PDE1A: variants seen among roughly 807,000 people sequenced by gnomAD.
PDE1A encodes phosphodiesterase 1A, also known as dual specificity calcium/calmodulin-dependent 3',5'-cyclic nucleotide phosphodiesterase 1A.
In PDE1A, 35 loss-of-function variants were observed where a neutral mutation model predicts 61.7. The observed-to-expected ratio is 0.57, with a 90% CI of 0.43 to 0.75. The LOEUF (loss-of-function observed/expected upper bound fraction) is 0.75, where lower values mean the gene tolerates loss of function less well. PDE1A is among the 30% of genes least tolerant of loss of function. The probability of loss-of-function intolerance (pLI) is 0.00; values close to 1 mark genes in which losing one functional copy is unlikely to be tolerated. For synonymous variants in PDE1A, 232 were observed against 213.2 expected, an observed-to-expected ratio of 1.09 and a Z score of -0.77; for missense variants, 597 against 630.6, an observed-to-expected ratio of 0.95 and a Z score of 0.57.
chr2:182,500,718 G>C (rs1188075571), intron 2 of PDE1A, among the ~76,000 whole-genome samples: 3 of 152,148 alleles, frequency 2.0e-5, no homozygotes, highest in African/African-American at 7.2e-5. Flanking sequence ...CATGAAAACA[G>C]AAGATTCCAT....
At chr2:182,259,737 T>C (rs1326758961) in intron 2 of PDE1A, among the ~76,000 whole-genome samples, 1 of 152,232 alleles carries the variant, frequency 6.6e-6, no homozygotes, top group African/African-American at 2.4e-5. Flanking sequence ...TTATAAATTG[T>C]GTTTTTAGGA....
At chr2:182,295,540 A>G (rs1370766457) in intron 1 of PDE1A, among the ~76,000 whole-genome samples, 3 of 152,196 alleles carry the variant, frequency 2.0e-5, no homozygotes, top group Non-Finnish European at 4.4e-5. Flanking sequence ...AGAGTTTTAC[A>G]GCATGCCAAT....
intron 2 of PDE1A, among the ~76,000 whole-genome samples, chr2:182,473,299 G>A (rs574247894): frequency 6.6e-6 from 1 of 151,874 alleles, no homozygotes; most frequent in African/African-American, 2.4e-5. Flanking sequence ...CAACTAAAGA[G>A]CTTCTGCACA....
At chr2:182,312,374 T>C (rs1387401935) in intron 1 of PDE1A, among the ~76,000 whole-genome samples, 6 of 152,168 alleles carry the variant, frequency 3.9e-5, no homozygotes, top group Non-Finnish European at 7.4e-5. Flanking sequence ...AATATTTGCC[T>C]AACTCAAGAT....
chr2:182,368,422 T>A lies in PDE1A; in HGVS notation c.53+58156A>T, dbSNP rs145583274. Among the ~76,000 whole-genome samples, 490 of 144,918 alleles carry A rather than the reference T, an allele frequency of 3.4e-3. 5 individuals carry two copies. Among genetic ancestry groups the A allele is most frequent in the African/African-American group, 0.012 (471 of 40,152 alleles). On this transcript the variant is annotated intron_variant, in intron 1 of 13. Coordinates refer to ENST00000351439, the Ensembl canonical transcript of PDE1A. ...ACATAACATTTTCCCCTTCCCACTCTTTTTTATTCATTCCATTTATCTGTT... is the reference window on the plus strand; with the variant it reads ...ACATAACATTTTCCCCTTCCCACTCATTTTTATTCATTCCATTTATCTGTT...
At chr2:182,471,042 C>A (rs1686996078) in intron 2 of PDE1A, among the ~76,000 whole-genome samples, 1 of 151,662 alleles carries the variant, frequency 6.6e-6, no homozygotes, top group Non-Finnish European at 1.5e-5. Context: ...CGAGAGTAGG[C>A]AAATGACAAT....
the PDE1A span, among the ~76,000 whole-genome samples, chr2:182,700,741 C>T: frequency 1.8e-5 from 1 of 56,028 alleles, no homozygotes. Context: ...AAAAAAAAAA[C>T]AGAAAGAAAA....
At chr2:182,706,355 G>A in the PDE1A span, among the ~76,000 whole-genome samples, 1 of 152,102 alleles carries the variant, frequency 6.6e-6, no homozygotes, top group Admixed American at 6.5e-5. Context: ...TTTTGATTAT[G>A]TTAATTTGGG....
chr2:182,472,953 TTA>T (rs1687128028), intron 2 of PDE1A, among the ~76,000 whole-genome samples: 1 of 151,568 alleles, frequency 6.6e-6, no homozygotes, highest in Non-Finnish European at 1.5e-5. Context: ...TTTTTTTTTT[TTA>T]AATTTTTTAT....
the PDE1A span, among the ~76,000 whole-genome samples, chr2:182,693,982 A>G: frequency 2.6e-5 from 4 of 152,154 alleles, no homozygotes; most frequent in African/African-American, 4.8e-5. Flanking sequence ...AAGCTGTTTA[A>G]TTCTGATGAA....
Position 182,340,490 on chromosome 2 carries a change from C to A in PDE1A, c.54-76076G>T, listed in dbSNP as rs144478357. Among the ~76,000 whole-genome samples, 185 of 152,188 alleles carry A rather than the reference C, an allele frequency of 1.2e-3. 1 individual carries two copies. The highest frequency in any genetic ancestry group is 1.7e-3 in the Non-Finnish European group (114 of 68,004). On this transcript the variant is annotated intron_variant, in intron 1 of 13. Coordinates refer to ENST00000351439, the Ensembl canonical transcript of PDE1A. ...CTCATAAAACTCACTTCATGAAATA[C>A]CTCTTGTAAAACTGCAGAAAATGGG... is the stretch of plus-strand genomic sequence containing the variant.
intron 1 of PDE1A, among the ~76,000 whole-genome samples, chr2:182,399,187 T>G (rs973605681): frequency 6.6e-6 from 1 of 152,014 alleles, no homozygotes; most frequent in African/African-American, 2.4e-5. Flanking sequence ...TCTTAGTATT[T>G]TTAACCCATA....
intron 1 of PDE1A, among the ~76,000 whole-genome samples, chr2:182,337,824 TA>T (rs571035857): frequency 1.3e-5 from 2 of 151,780 alleles, no homozygotes; most frequent in East Asian, 1.9e-4. Context: ...TATAGGATTT[TA>T]AAAAAAAAGA....
intron 2 of PDE1A, among the ~76,000 whole-genome samples, chr2:182,444,165 T>G (rs974457757): frequency 6.6e-6 from 1 of 152,174 alleles, no homozygotes; most frequent in African/African-American, 2.4e-5. Context: ...TCAGTTCACC[T>G]AAATCATTAC....
At chr2:182,278,153 G>C (rs992588295) in intron 1 of PDE1A, among the ~76,000 whole-genome samples, 1 of 152,036 alleles carries the variant, frequency 6.6e-6, no homozygotes, top group Admixed American at 6.6e-5. Context: ...ACCCTTTCCT[G>C]TGTCCCTACA....
At chr2:182,533,654 G>A in the PDE1A span, among the ~76,000 whole-genome samples, 1 of 152,100 alleles carries the variant, frequency 6.6e-6, no homozygotes, top group Non-Finnish European at 1.5e-5. Context: ...AGATATAAAA[G>A]TGTAAGTATA....
At chr2:182,556,888 G>A in the PDE1A span, among the ~76,000 whole-genome samples, 4 of 152,098 alleles carry the variant, frequency 2.6e-5, no homozygotes, top group African/African-American at 7.2e-5. Context: ...TATTGTTAAC[G>A]AATAAATAAA....
chr2:182,510,467 T>G (rs1273445090), intron 2 of PDE1A, among the ~76,000 whole-genome samples: 6 of 152,232 alleles, frequency 3.9e-5, no homozygotes, highest in Non-Finnish European at 7.3e-5. Flanking sequence ...GCTCACATAT[T>G]ACATTTGACT....
intron 1 of PDE1A, among the ~76,000 whole-genome samples, chr2:182,325,599 GA>G (rs1696985470): frequency 6.6e-6 from 1 of 152,076 alleles, no homozygotes; most frequent in Non-Finnish European, 1.5e-5. Flanking sequence ...AATACATAAA[GA>G]ACTCCTGCAA....
Sources: allele counts gnomAD v4.1 joint callset (sites outside exome capture counted in the v4.1 genomes callset), GRCh38; gene constraint gnomAD v4.1.1; transcripts MANE v1.5; gene names NCBI Gene and HGNC (gene_info 2026-07-23, HGNC 2026-07-21).